Variants in ZNF407 observed in about 807,000 individuals in gnomAD.
ZNF407 encodes zinc finger protein 407.
ZNF407 carries 17 observed loss-of-function variants against 131.2 expected under a neutral mutation model. The ratio of observed to expected loss-of-function variants is 0.13; its 90% confidence interval spans 0.09 to 0.19. The LOEUF (loss-of-function observed/expected upper bound fraction) is 0.19, where lower values mean the gene tolerates loss of function less well. ZNF407 is among the 10% of genes least tolerant of loss of function. ZNF407 has a pLI of 1.00. For missense variants in ZNF407, 2,681 were observed against 2,830.6 expected (o/e 0.95, Z 1.20); for synonymous variants, 1,156 against 1,062.0 (o/e 1.09, Z -1.72).
intron 4 of ZNF407, 136 bp from the exon 5 acceptor site, chr18:74,877,061 T>A (rs1971167465): frequency 1.4e-6 from 1 of 709,564 alleles, no homozygotes; most frequent in South Asian, 1.7e-5. Flanking sequence ...TATACAGACA[T>A]GACAGACCAG....
At chr18:75,001,032 T>A (rs1972839459) in intron 8 of ZNF407, among the ~76,000 whole-genome samples, 1 of 152,080 alleles carries the variant, frequency 6.6e-6, no homozygotes, top group African/African-American at 2.4e-5. Flanking sequence ...TGAGGGCCCC[T>A]ACCAGAAATT....
chr18:74,850,039 A>G (rs1271812613), intron 4 of ZNF407, among the ~76,000 whole-genome samples: 3 of 152,190 alleles, frequency 2.0e-5, no homozygotes, highest in Non-Finnish European at 4.4e-5. Flanking sequence ...ATGAAATTAT[A>G]CCTGAAGCTG....
At chr18:74,653,607 T>A (rs1195846950) in intron 3 of ZNF407, among the ~76,000 whole-genome samples, 1 of 151,882 alleles carries the variant, frequency 6.6e-6, no homozygotes, top group Non-Finnish European at 1.5e-5. Context: ...ATTTAACATG[T>A]ATCGATATGC....
chr18:74,668,671 A>G (rs1400241560), intron 3 of ZNF407, among the ~76,000 whole-genome samples: 4 of 152,224 alleles, frequency 2.6e-5, no homozygotes, highest in African/African-American at 9.6e-5. Context: ...TAGACTTAGA[A>G]TGGATGAGAT....
At chr18:74,880,351 A>C (rs1001579811) in intron 5 of ZNF407, among the ~76,000 whole-genome samples, 3 of 152,228 alleles carry the variant, frequency 2.0e-5, no homozygotes, top group Non-Finnish European at 4.4e-5. Context: ...AAGGTTTCCA[A>C]TCCAGAGCTG....
At chr18:74,921,159 G>C in intron 8 of ZNF407, 1 of 387,412 alleles carries the variant, frequency 2.6e-6, no homozygotes, top group Non-Finnish European at 3.5e-6. Context: ...GGGTGGTAAC[G>C]GTGCTGTGCG....
chr18:74,835,956 C>T (rs1970553428), intron 4 of ZNF407, among the ~76,000 whole-genome samples: 1 of 147,494 alleles, frequency 6.8e-6, no homozygotes, highest in Admixed American at 6.8e-5. Flanking sequence ...GTATCGCAGG[C>T]TAGTGAAGGA....
intron 1 of ZNF407, among the ~76,000 whole-genome samples, chr18:74,620,705 T>C (rs1473917944): frequency 1.3e-5 from 2 of 152,210 alleles, no homozygotes; most frequent in Non-Finnish European, 2.9e-5. Flanking sequence ...ACATGTGGCA[T>C]GCAGGAAACT....
At chr18:74,994,047 A>C (rs2122143561) in intron 8 of ZNF407, among the ~76,000 whole-genome samples, 1 of 152,290 alleles carries the variant, frequency 6.6e-6, no homozygotes, top group East Asian at 1.9e-4. Flanking sequence ...TTTGCTATAA[A>C]CCACATTGTT....
At position 74,633,190 on chromosome 18, in the gene ZNF407, T is replaced by A. The variant is rs945761296; in HGVS notation, c.2171T>A (p.Ile724Lys). Residue 724 changes from isoleucine to lysine, a missense_variant, in exon 2 of 9, where the codon ATA becomes AAA. Ile to Lys is a moderately radical substitution (Grantham distance 102, BLOSUM62 -3). Transcript: ENST00000299687. ...TCTTCTACTGTTCTCACGAGACATA[T>A]AAAGCTTCGGCATGGTCAAGACTAT... The part of the protein sequence containing the change: ...TRSSTVLTRH[I>K]KLRHGQDYHF... The A allele has an allele frequency of 5.6e-6, 9 of 1,613,638 alleles. No individual in the cohort carries two copies. The highest frequency in any genetic ancestry group is 7.6e-6 in the Non-Finnish European group (9 of 1,179,808).
chr18:74,675,135 G>C (rs115581466), intron 3 of ZNF407, among the ~76,000 whole-genome samples: 24 of 152,258 alleles, frequency 1.6e-4, no homozygotes, highest in African/African-American at 5.8e-4. Context: ...TCTGTCCCTT[G>C]AAGTTGCCAA....
Position 74,634,845 on chromosome 18 carries a change from A to G in ZNF407, c.3826A>G (p.Asn1276Asp). The G allele has an allele frequency of 6.2e-7, 1 of 1,613,866 alleles. No individual in the cohort carries two copies. Among genetic ancestry groups the G allele is most frequent in the Non-Finnish European group, 8.5e-7 (1 of 1,179,814 alleles). ...GACAAGAATAACCAGAGAACAGGGAAATCTGGAGAGCGGGGGTCAGAACAG... is the reference window on the plus strand; with the variant it reads ...GACAAGAATAACCAGAGAACAGGGAGATCTGGAGAGCGGGGGTCAGAACAG... ...VVTRITREQG[N>D]LESGGQNRVA... The change falls in exon 2 of 9, where the codon AAT becomes GAT. Residue 1276 changes from asparagine to aspartate, a missense_variant. Asn to Asp is a conservative substitution (Grantham distance 23). Coordinates refer to ENST00000299687, the MANE Select transcript of ZNF407 (RefSeq NM_017757.3).
intron 4 of ZNF407, among the ~76,000 whole-genome samples, chr18:74,825,412 G>T (rs1188223972): frequency 2.6e-5 from 4 of 152,172 alleles, no homozygotes; most frequent in African/African-American, 9.7e-5. Flanking sequence ...TTCTCTGTTT[G>T]CAGATGACAT....
intron 1 of ZNF407, among the ~76,000 whole-genome samples, chr18:74,608,355 C>CTTTTTT: frequency 6.8e-6 from 1 of 146,498 alleles, no homozygotes; most frequent in African/African-American, 2.5e-5. Flanking sequence ...TTTTAGATTT[C>CTTTTTT]TTTTTTTTTT....
At chr18:74,617,963 C>G (rs975518963) in intron 1 of ZNF407, among the ~76,000 whole-genome samples, 25 of 152,260 alleles carry the variant, frequency 1.6e-4, no homozygotes, top group African/African-American at 5.8e-4. Flanking sequence ...GCCCCTCAGC[C>G]TTCTGCTACA....
intron 4 of ZNF407, among the ~76,000 whole-genome samples, chr18:74,786,805 T>G (rs1210275854): frequency 3.0e-5 from 4 of 135,122 alleles, no homozygotes; most frequent in Middle Eastern, 3.7e-3. Flanking sequence ...TTTTTTTTTT[T>G]TTTTTTTTTT....
intron 3 of ZNF407, among the ~76,000 whole-genome samples, chr18:74,701,803 C>T (rs774484952): frequency 3.0e-4 from 45 of 152,216 alleles, no homozygotes; most frequent in Admixed American, 5.9e-4. Context: ...GTCACCCCTT[C>T]CCCCAACATG....
chr18:74,775,972 G>A (rs770709122), intron 3 of ZNF407, among the ~76,000 whole-genome samples: 13 of 152,162 alleles, frequency 8.5e-5, no homozygotes, highest in East Asian at 1.9e-4. Context: ...ATCTGCCTCC[G>A]TGACCAATCA....
intron 3 of ZNF407, among the ~76,000 whole-genome samples, chr18:74,717,954 C>T (rs1260850018): frequency 6.6e-6 from 1 of 151,806 alleles, no homozygotes; most frequent in East Asian, 1.9e-4. Context: ...CAAATTTTTT[C>T]TCATCTGTTA....
Sources: allele counts gnomAD v4.1 joint callset (sites outside exome capture counted in the v4.1 genomes callset), GRCh38; gene constraint gnomAD v4.1.1; transcripts MANE v1.5; gene names NCBI Gene and HGNC (gene_info 2026-07-23, HGNC 2026-07-21).